RIN2: variants seen among roughly 807,000 people sequenced by gnomAD.
RIN2 encodes the protein Ras and Rab interactor 2.
In RIN2, 36 loss-of-function variants were observed where a neutral mutation model predicts 78.0. The observed-to-expected ratio is 0.46, with a 90% CI of 0.35 to 0.61. RIN2 has a LOEUF of 0.61. Ranked by LOEUF, RIN2 falls within the 20% of genes least tolerant of loss-of-function variation. The pLI is 0.00. For missense variants in RIN2, 1,087 were observed against 1,159.7 expected (o/e 0.94, Z 0.91); for synonymous variants, 466 against 466.8 (o/e 1.00, Z 0.02).
intron 2 of RIN2, among the ~76,000 whole-genome samples, chr20:19,840,209 ACATTCCTGGT>A (rs2036540432): frequency 6.6e-6 from 1 of 152,216 alleles, no homozygotes; most frequent in African/African-American, 2.4e-5. Context: ...CTTGGAGAGA[ACATTCCTGGT>A]CACACAAAGG....
chr20:19,811,623 G>A (rs1486696002), intron 2 of RIN2, among the ~76,000 whole-genome samples: 2 of 152,102 alleles, frequency 1.3e-5, no homozygotes, highest in Admixed American at 6.5e-5. Context: ...AAAACTGAAC[G>A]CAGAAACTGT....
At chr20:19,768,213 C>T (rs1029297181) in intron 1 of RIN2, among the ~76,000 whole-genome samples, 3 of 152,236 alleles carry the variant, frequency 2.0e-5, no homozygotes, top group East Asian at 3.9e-4. Context: ...GGGAAGGTCT[C>T]AGACCAGGTT....
At chr20:19,890,048 G>T (rs1371668400) in intron 3 of RIN2, among the ~76,000 whole-genome samples, 1 of 145,638 alleles carries the variant, frequency 6.9e-6, no homozygotes, top group Non-Finnish European at 1.5e-5. Flanking sequence ...TCACTGAAGG[G>T]CTCCAAAACA....
chr20:19,990,373 C>T, intron 10 of RIN2, 62 bp downstream of exon 10: 5 of 1,476,992 alleles, frequency 3.4e-6, no homozygotes, highest in Non-Finnish European at 4.6e-6. Flanking sequence ...ACAGGCCTCT[C>T]TCCTGTCAGG....
chr20:19,785,223 C>T (rs1359003547), intron 1 of RIN2, among the ~76,000 whole-genome samples: 4 of 151,846 alleles, frequency 2.6e-5, no homozygotes, highest in South Asian at 2.1e-4. Context: ...TCAGAAGAAA[C>T]GAGTTTGTGA....
intron 6 of RIN2, among the ~76,000 whole-genome samples, chr20:19,964,662 T>C (rs1488259371): frequency 6.6e-6 from 1 of 151,992 alleles, no homozygotes; most frequent in Non-Finnish European, 1.5e-5. Flanking sequence ...CTGCCCTTTG[T>C]GTTCTGAAGT....
intron 4 of RIN2, among the ~76,000 whole-genome samples, chr20:19,948,716 A>C (rs1331743473): frequency 6.6e-6 from 1 of 151,858 alleles, no homozygotes; most frequent in Non-Finnish European, 1.5e-5. Flanking sequence ...CCATTTAAAA[A>C]CTCCAGTTTC....
chr20:19,799,940 C>A (rs1313931395), intron 2 of RIN2, among the ~76,000 whole-genome samples, 193 bp downstream of exon 2: 2 of 152,156 alleles, frequency 1.3e-5, no homozygotes, highest in Non-Finnish European at 2.9e-5. Context: ...GATACACTGG[C>A]AGCAGGGCCA....
At chr20:19,811,974 C>T (rs1177088529) in intron 2 of RIN2, among the ~76,000 whole-genome samples, 1 of 151,990 alleles carries the variant, frequency 6.6e-6, no homozygotes, top group Non-Finnish European at 1.5e-5. Context: ...GGAACTATAC[C>T]ATATATGGTC....
At chr20:19,858,761 A>G (rs2037242190) in intron 2 of RIN2, among the ~76,000 whole-genome samples, 1 of 152,156 alleles carries the variant, frequency 6.6e-6, no homozygotes, top group Non-Finnish European at 1.5e-5. Context: ...CTTACTAAAG[A>G]TGTCAATAAT....
At chr20:19,898,777 T>G (rs1478693419) in intron 3 of RIN2, among the ~76,000 whole-genome samples, 2 of 152,216 alleles carry the variant, frequency 1.3e-5, no homozygotes, top group African/African-American at 4.8e-5. Flanking sequence ...TAGATAAACT[T>G]GTTAAATCAC....
intron 7 of RIN2, among the ~76,000 whole-genome samples, chr20:19,968,419 T>C (rs2042005153): frequency 1.3e-5 from 2 of 152,314 alleles, no homozygotes; most frequent in African/African-American, 4.8e-5. Flanking sequence ...CTTTCTTTAA[T>C]AGGATGTAAG....
intron 2 of RIN2, chr20:19,809,641 C>T (rs887970342): frequency 6.6e-6 from 1 of 152,294 alleles, no homozygotes; most frequent in African/African-American, 2.4e-5. Flanking sequence ...AGCGAGCAGG[C>T]CTCTCTGCAG....
intron 9 of RIN2, among the ~76,000 whole-genome samples, chr20:19,985,099 C>T (rs1033214284): frequency 6.6e-6 from 1 of 152,166 alleles, no homozygotes; most frequent in South Asian, 2.1e-4. Context: ...CTTTGCCTCT[C>T]AAAGTCTCAC....
chr20:19,865,569 C>T (rs1033724560), intron 2 of RIN2, among the ~76,000 whole-genome samples: 1 of 150,396 alleles, frequency 6.6e-6, no homozygotes, highest in Admixed American at 6.7e-5. Context: ...CTCACTGCAG[C>T]CTCAAACTCC....
At chr20:19,811,529 G>A (rs975741397) in intron 2 of RIN2, among the ~76,000 whole-genome samples, 3 of 152,180 alleles carry the variant, frequency 2.0e-5, no homozygotes, top group Non-Finnish European at 4.4e-5. Context: ...AACAGTGGGT[G>A]TGGAGGGGAC....
chr20:19,889,789 GC>G, intron 3 of RIN2, 131 bp downstream of exon 3: 1 of 640,042 alleles, frequency 1.6e-6, no homozygotes, highest in Non-Finnish European at 2.5e-6. Flanking sequence ...GCTTGCCCGA[GC>G]CCAGCTGCTG....
At chr20:19,839,480 C>T (rs2036519101) in intron 2 of RIN2, among the ~76,000 whole-genome samples, 1 of 152,216 alleles carries the variant, frequency 6.6e-6, no homozygotes, top group Non-Finnish European at 1.5e-5. Flanking sequence ...GTCACAAAAC[C>T]ACCTAAGTGA....
intron 7 of RIN2, among the ~76,000 whole-genome samples, chr20:19,968,595 C>G (rs1037776554): frequency 6.6e-6 from 1 of 152,132 alleles, no homozygotes; most frequent in Admixed American, 6.5e-5. Context: ...CATCCATTAA[C>G]CAAGGACAGG....
Sources: allele counts gnomAD v4.1 joint callset (sites outside exome capture counted in the v4.1 genomes callset), GRCh38; gene constraint gnomAD v4.1.1; transcripts MANE v1.5; gene names NCBI Gene and HGNC (gene_info 2026-07-23, HGNC 2026-07-21).